The following FSTL4 variants were observed in gnomAD, a reference collection of about 807,000 sequenced individuals.
FSTL4 encodes the protein follistatin like 4, also known as follistatin-related protein 4.
Under a neutral mutation model 78.2 loss-of-function variants are expected in FSTL4, and 28 were observed. That is an observed-to-expected ratio of 0.36 (90% CI 0.27 to 0.49). FSTL4 has a LOEUF of 0.49. Ranked by LOEUF, FSTL4 falls within the 20% of genes least tolerant of loss-of-function variation. FSTL4 has a pLI of 0.98. For missense variants in FSTL4, 922 were observed against 1,084.9 expected (o/e 0.85, Z 2.11); for synonymous variants, 422 against 440.5 (o/e 0.96, Z 0.53).
chr5:133,527,441 G>A (rs975518671), intron 3 of FSTL4, among the ~76,000 whole-genome samples: 10 of 151,672 alleles, frequency 6.6e-5, no homozygotes, highest in Non-Finnish European at 1.5e-4. Flanking sequence ...CCTCTCAGTT[G>A]TGATCTCTTT....
chr5:133,727,865 G>C, the FSTL4 span, among the ~76,000 whole-genome samples: 3 of 152,196 alleles, frequency 2.0e-5, no homozygotes, highest in African/African-American at 7.2e-5. Flanking sequence ...CCAAGAGCAC[G>C]AGGGCTGTTG....
chr5:133,382,441 A>G (rs1755595585), intron 4 of FSTL4, among the ~76,000 whole-genome samples: 1 of 152,202 alleles, frequency 6.6e-6, no homozygotes, highest in African/African-American at 2.4e-5. Flanking sequence ...AGTTCTCATC[A>G]TTCCCTCCTC....
intron 14 of FSTL4, among the ~76,000 whole-genome samples, chr5:133,204,847 A>AT (rs1347366603): frequency 6.6e-6 from 1 of 151,820 alleles, no homozygotes; most frequent in Non-Finnish European, 1.5e-5. Flanking sequence ...AAAAAAAAAA[A>AT]AAAAATCTTT....
chr5:133,454,138 C>T (rs1227690845), intron 3 of FSTL4, among the ~76,000 whole-genome samples: 1 of 152,046 alleles, frequency 6.6e-6, no homozygotes, highest in Non-Finnish European at 1.5e-5. Flanking sequence ...ACGCTACTTT[C>T]TCAAAAGCAT....
At position 133,426,737 on chromosome 5, in the gene FSTL4, T is replaced by G. The variant is rs1756827402; in HGVS notation, c.161-25751A>C. Among the ~76,000 whole-genome samples the G allele has an allele frequency of 6.6e-6, 1 of 152,150 alleles. No homozygotes were observed. Among genetic ancestry groups the G allele is most frequent in the Non-Finnish European group, 1.5e-5 (1 of 68,028 alleles). On this transcript the variant is annotated intron_variant, in intron 3 of 15. Transcript: ENST00000265342. The surrounding 1 kb of genome is among the most constrained non-coding windows in gnomAD (Gnocchi z 5.0). ...GTCCTGTTATTTCCCAGGGAGACAG[T>G]CAGCCAGTTCTGCTTTAATAATGCA...
At chr5:133,499,322 G>A (rs1758437946) in intron 3 of FSTL4, among the ~76,000 whole-genome samples, 1 of 150,226 alleles carries the variant, frequency 6.7e-6, no homozygotes, top group Non-Finnish European at 1.5e-5. Context: ...TCCTGGAAGT[G>A]CCTGGGAGAT....
At chr5:133,233,061 C>G (rs1751541515) in intron 8 of FSTL4, among the ~76,000 whole-genome samples, 1 of 152,218 alleles carries the variant, frequency 6.6e-6, no homozygotes, top group Non-Finnish European at 1.5e-5. Context: ...AGTTTCTGCT[C>G]GCACTAGACC....
chr5:133,206,767 G>T lies in FSTL4; in HGVS notation c.1716+3424C>A, dbSNP rs141649040. On this transcript the variant is annotated intron_variant, in intron 14 of 15. Transcript: ENST00000265342. The stretch of plus-strand genomic sequence containing the variant: ...TTTTTTCTTTATTGGGGTTGTGAAG[G>T]ATTCATCTTTTTTGTTTTGCTTTCT... Among the ~76,000 whole-genome samples, 83 of 152,104 alleles carry T rather than the reference G, an allele frequency of 5.5e-4. No homozygotes were observed. In the East Asian group the frequency reaches 0.014, roughly 26 times the overall value.
intron 7 of FSTL4, chr5:133,246,950 C>G (rs1429741484): frequency 6.6e-6 from 1 of 152,162 alleles, no homozygotes; most frequent in African/African-American, 2.4e-5. Context: ...GAAGGGAAAA[C>G]TGGAGCTTAG....
the FSTL4 span, among the ~76,000 whole-genome samples, chr5:133,824,152 C>A: frequency 6.6e-6 from 1 of 152,208 alleles, no homozygotes; most frequent in Admixed American, 6.5e-5. Flanking sequence ...TGGGTGTCCT[C>A]TTCTTCAATT....
intron 3 of FSTL4, among the ~76,000 whole-genome samples, chr5:133,416,914 A>C (rs370286014): frequency 9.2e-5 from 14 of 152,352 alleles, no homozygotes; most frequent in African/African-American, 3.1e-4. Flanking sequence ...GACAGCTGGC[A>C]ACATTTGAAT....
chr5:133,622,354 G>T, the FSTL4 span, among the ~76,000 whole-genome samples: 2 of 152,066 alleles, frequency 1.3e-5, no homozygotes, highest in African/African-American at 4.8e-5. Context: ...TTGTGTACAG[G>T]TTATTGTGTG....
At chr5:133,300,034 A>G (rs1405095208) in intron 6 of FSTL4, among the ~76,000 whole-genome samples, 1 of 152,132 alleles carries the variant, frequency 6.6e-6, no homozygotes, top group African/African-American at 2.4e-5. Flanking sequence ...GTGTTTTCCC[A>G]AACTCAGAAG....
chr5:133,289,511 G>A (rs1210450307), intron 6 of FSTL4, among the ~76,000 whole-genome samples: 1 of 152,230 alleles, frequency 6.6e-6, no homozygotes, highest in Non-Finnish European at 1.5e-5. Flanking sequence ...GCTCCTGAGA[G>A]TGGGGCCTTG....
rs550212135 is a variant in FSTL4, at chr5:133,301,958, G to A, written c.727+10696C>T. On this transcript the variant is annotated intron_variant, in intron 6 of 15. Coordinates refer to ENST00000265342, the MANE Select transcript of FSTL4 (RefSeq NM_015082.2). ...GGTCCTCAGCTCATCACCCTCCTCA[G>A]CCCACAGCCAGGGGAAGATTTGGAT... is the stretch of plus-strand genomic sequence containing the variant. 1.1e-3 allele frequency among the ~76,000 whole-genome samples: 164 copies of A among 152,242 alleles called. 3 individuals are homozygous for A. Among genetic ancestry groups the A allele is most frequent in the African/African-American group, 3.7e-3 (153 of 41,536 alleles).
chr5:133,645,336 T>C, the FSTL4 span, among the ~76,000 whole-genome samples: 1,748 of 152,236 alleles, frequency 0.011, 33 homozygotes, highest in African/African-American at 0.039. Context: ...GGTTCTAGGA[T>C]GGTGAGTGAA....
At chr5:133,529,929 C>G (rs563789654) in intron 3 of FSTL4, among the ~76,000 whole-genome samples, 1 of 151,918 alleles carries the variant, frequency 6.6e-6, no homozygotes, top group Admixed American at 6.6e-5. Flanking sequence ...GAACACGGAT[C>G]CAAACCAGTA....
the FSTL4 span, among the ~76,000 whole-genome samples, chr5:133,695,911 T>A: frequency 1.3e-4 from 20 of 152,364 alleles, no homozygotes; most frequent in Admixed American, 2.6e-4. Flanking sequence ...CAGGTTCCAA[T>A]GTCTGCTTCT....
At chr5:133,538,255 G>A (rs1246185655) in intron 3 of FSTL4, among the ~76,000 whole-genome samples, 1 of 152,038 alleles carries the variant, frequency 6.6e-6, no homozygotes, top group African/African-American at 2.4e-5. Context: ...AAGGGTACAG[G>A]CAAGTTATTT....
Sources: allele counts gnomAD v4.1 joint callset (sites outside exome capture counted in the v4.1 genomes callset), GRCh38; gene constraint gnomAD v4.1.1; non-coding constraint Gnocchi (gnomAD v3.1); transcripts MANE v1.5; gene names NCBI Gene and HGNC (gene_info 2026-07-23, HGNC 2026-07-21).